SLC25A21: variants seen among roughly 807,000 people sequenced by gnomAD.
The protein encoded by SLC25A21 is mitochondrial 2-oxodicarboxylate carrier.
A neutral mutation model predicts 43.8 loss-of-function variants in SLC25A21; 47 were observed. That is an observed-to-expected ratio of 1.07 (90% CI 0.85 to 1.37). The LOEUF (loss-of-function observed/expected upper bound fraction) is 1.37, where lower values mean the gene tolerates loss of function less well. Ranked by LOEUF, SLC25A21 falls within the 40% of genes most tolerant of loss-of-function variation. The pLI is 0.00. For synonymous variants in SLC25A21, 131 were observed against 121.3 expected (o/e 1.08, Z -0.52); for missense variants, 352 against 350.2 (o/e 1.00, Z -0.04).
intron 1 of SLC25A21, among the ~76,000 whole-genome samples, chr14:37,054,032 G>A (rs112996881): frequency 0.026 from 3,970 of 152,252 alleles, 70 homozygotes; most frequent in Middle Eastern, 0.048. Flanking sequence ...TGCCTGATAT[G>A]GTCTGGCTTT....
intron 1 of SLC25A21, among the ~76,000 whole-genome samples, chr14:37,074,258 T>G (rs1481940241): frequency 6.6e-6 from 1 of 151,970 alleles, no homozygotes; most frequent in Non-Finnish European, 1.5e-5. Context: ...TCTAATGATG[T>G]GGTACTATTC....
At chr14:37,095,110 A>T (rs1017415706) in intron 1 of SLC25A21, among the ~76,000 whole-genome samples, 9 of 152,358 alleles carry the variant, frequency 5.9e-5, no homozygotes, top group African/African-American at 2.2e-4. Context: ...ATATTATTTT[A>T]AAAACATAAG....
intron 7 of SLC25A21, among the ~76,000 whole-genome samples, chr14:36,703,642 T>C (rs1458914052): frequency 6.6e-6 from 1 of 152,226 alleles, no homozygotes; most frequent in African/African-American, 2.4e-5. Flanking sequence ...TTTAATACTG[T>C]TGACAGCCAT....
intron 1 of SLC25A21, among the ~76,000 whole-genome samples, chr14:37,017,895 G>A (rs188293876): frequency 6.6e-6 from 1 of 151,892 alleles, no homozygotes; most frequent in East Asian, 1.9e-4. Flanking sequence ...CAGCACTGGG[G>A]TAATTGACAC....
At chr14:37,001,702 A>G (rs1960493677) in intron 1 of SLC25A21, among the ~76,000 whole-genome samples, 1 of 152,190 alleles carries the variant, frequency 6.6e-6, no homozygotes, top group Non-Finnish European at 1.5e-5. Flanking sequence ...TAAGTAAGAC[A>G]CATTGCCTAC....
chr14:36,813,722 T>C (rs1888353314), intron 3 of SLC25A21, among the ~76,000 whole-genome samples, 196 bp downstream of exon 3: 1 of 152,194 alleles, frequency 6.6e-6, no homozygotes. Context: ...AAACTAGTTA[T>C]TAATATCTTC....
rs117481052 is a variant in SLC25A21 at position 36,867,506 on chromosome 14, C to T, written c.119+7450G>A. ...ATAATGTCAGCACACAGCCCCAAAA[C>T]GACGTGTGGCACGAGGCCAGCAGGA... On this transcript the variant is annotated intron_variant, in intron 2 of 9. Transcript: ENST00000331299. Among the ~76,000 whole-genome samples, 80 of 152,268 alleles carry T rather than the reference C, an allele frequency of 5.3e-4. No homozygotes were observed. The East Asian group carries it at 0.013, about 25-fold the overall frequency.
chr14:37,128,771 T>C (rs1963343138), intron 1 of SLC25A21, among the ~76,000 whole-genome samples: 1 of 152,006 alleles, frequency 6.6e-6, no homozygotes, highest in Non-Finnish European at 1.5e-5. Flanking sequence ...GTATTTTCTG[T>C]GGAGATGGGG....
intron 3 of SLC25A21, among the ~76,000 whole-genome samples, chr14:36,750,064 A>G (rs1123204): frequency 0.42 from 64,150 of 152,010 alleles, 13,662 homozygotes; most frequent in South Asian, 0.53. Flanking sequence ...CATATAAGAG[A>G]CACTCAGTAA....
chr14:36,992,990 A>C (rs1439166482), intron 1 of SLC25A21, among the ~76,000 whole-genome samples: 1 of 152,204 alleles, frequency 6.6e-6, no homozygotes, highest in Non-Finnish European at 1.5e-5. Context: ...AGCTCAATCA[A>C]GGCAGCAATT....
In SLC25A21 at chr14:36,855,884, C is replaced by G. The variant is rs896461713; in HGVS notation, c.119+19072G>C. Reference sequence around the variant, plus strand: ...CAGGGGTGAAGGGTGGTTTTGTTTCCCAGGCGGGTATTCGGCAATGTCTGG... The same window carrying G: ...CAGGGGTGAAGGGTGGTTTTGTTTCGCAGGCGGGTATTCGGCAATGTCTGG... On this transcript the variant is annotated intron_variant, in intron 2 of 9. Transcript: ENST00000331299. Among the ~76,000 whole-genome samples, 7 of 152,062 alleles carry G rather than the reference C, an allele frequency of 4.6e-5. No individual in the cohort carries two copies. In the East Asian group the frequency reaches 1.4e-3, roughly 29 times the overall value.
At chr14:37,060,410 T>C (rs180710704) in intron 1 of SLC25A21, among the ~76,000 whole-genome samples, 2 of 147,756 alleles carry the variant, frequency 1.4e-5, no homozygotes, top group Non-Finnish European at 1.5e-5. Flanking sequence ...ATAATAATAA[T>C]AATAATAATA....
chr14:36,731,652 C>T (rs1003466096), intron 4 of SLC25A21, among the ~76,000 whole-genome samples: 1 of 152,100 alleles, frequency 6.6e-6, no homozygotes, highest in Non-Finnish European at 1.5e-5. Context: ...TATTCTCAGC[C>T]CCATGTGACT....
At chr14:36,798,101 A>G (rs1887736730) in intron 3 of SLC25A21, among the ~76,000 whole-genome samples, 1 of 152,184 alleles carries the variant, frequency 6.6e-6, no homozygotes, top group South Asian at 2.1e-4. Flanking sequence ...TGTGATAGAA[A>G]GTAGTCTGTG....
At position 36,936,959 on chromosome 14, in the gene SLC25A21, G is replaced by C. The variant is rs137934899; in HGVS notation, c.71-61955C>G. ...TATAACAGTGTACCTGGAGCCATAA[G>C]GTCATGGCTAGGGTCTCTTTCTATG... is the stretch of plus-strand genomic sequence containing the variant. On this transcript the variant is annotated intron_variant, in intron 1 of 9. Coordinates refer to ENST00000331299, the MANE Select transcript of SLC25A21 (RefSeq NM_030631.4). Among the ~76,000 whole-genome samples, 1,049 of 152,264 alleles carry C rather than the reference G, an allele frequency of 6.9e-3. 15 individuals are homozygous for C. The highest frequency in any genetic ancestry group is 0.024 in the African/African-American group (1,007 of 41,548).
In SLC25A21 at chr14:36,701,868, C is replaced by G. The variant is rs1407771930; in HGVS notation, c.603+9450G>C. 2.6e-5 allele frequency among the ~76,000 whole-genome samples: 4 copies of G among 152,116 alleles called. No homozygotes were observed. The East Asian group carries it at 7.7e-4, about 29-fold the overall frequency. On this transcript the variant is annotated intron_variant, in intron 7 of 9. Transcript: ENST00000331299. ...AGGCACTGACCCCAAGGAAAACTAG[C>G]AAGCCAGGTTCCCAAAACAAAACTC... is the stretch of plus-strand genomic sequence containing the variant.
chr14:36,910,341 G>A (rs1162609574), intron 1 of SLC25A21, among the ~76,000 whole-genome samples: 2 of 152,154 alleles, frequency 1.3e-5, no homozygotes, highest in Non-Finnish European at 2.9e-5. Context: ...AAGGTGAGCA[G>A]TTTGGACTTT....
intron 7 of SLC25A21, among the ~76,000 whole-genome samples, chr14:36,705,686 T>C (rs1015862783): frequency 1.3e-5 from 2 of 152,172 alleles, no homozygotes; most frequent in Admixed American, 6.5e-5. Context: ...TAAAACCAAG[T>C]ACTTTGAAGA....
chr14:36,719,892 C>T (rs1429257480), intron 6 of SLC25A21, among the ~76,000 whole-genome samples: 1 of 152,206 alleles, frequency 6.6e-6, no homozygotes, highest in Non-Finnish European at 1.5e-5. Context: ...TGCACAGTAC[C>T]TGTCGTTCTT....
Sources: allele counts gnomAD v4.1 joint callset (sites outside exome capture counted in the v4.1 genomes callset), GRCh38; gene constraint gnomAD v4.1.1; transcripts MANE v1.5; gene names NCBI Gene and HGNC (gene_info 2026-07-23, HGNC 2026-07-21).